The following NDST4 variants were observed in gnomAD, a reference collection of about 807,000 sequenced individuals.
NDST4 encodes N-heparan sulfate sulfotransferase 4.
NDST4 carries 63 observed loss-of-function variants against 100.8 expected under a neutral mutation model. The observed-to-expected ratio is 0.62, with a 90% CI of 0.51 to 0.77. The LOEUF is 0.77. Among genes scored for constraint, NDST4 ranks in the 30% least tolerant of loss-of-function variants. The pLI is 0.00. For missense variants in NDST4, 943 were observed against 1,018.4 expected (o/e 0.93, Z 1.01); for synonymous variants, 377 against 361.8 (o/e 1.04, Z -0.48).
intron 2 of NDST4, among the ~76,000 whole-genome samples, chr4:115,026,260 T>C (rs1368645563): frequency 6.6e-6 from 1 of 152,108 alleles, no homozygotes; most frequent in Admixed American, 6.6e-5. Flanking sequence ...TAAGAAGGAA[T>C]AATAATTATT....
At chr4:114,980,315 T>C (rs1473142665) in intron 2 of NDST4, among the ~76,000 whole-genome samples, 3 of 152,194 alleles carry the variant, frequency 2.0e-5, no homozygotes, top group African/African-American at 7.2e-5. Context: ...TCTACCTGAA[T>C]ATTTCGTGCG....
chr4:114,847,827 A>G (rs1298923634), intron 9 of NDST4, among the ~76,000 whole-genome samples: 1 of 152,226 alleles, frequency 6.6e-6, no homozygotes, highest in Non-Finnish European at 1.5e-5. Flanking sequence ...ACATGTCACG[A>G]ATTATAAAAT....
At chr4:114,900,544 G>A (rs1214397765) in intron 6 of NDST4, among the ~76,000 whole-genome samples, 1 of 152,056 alleles carries the variant, frequency 6.6e-6, no homozygotes, top group African/African-American at 2.4e-5. Context: ...GATATGCTTA[G>A]ATACACAAAT....
chr4:115,014,875 A>T (rs1727641658), intron 2 of NDST4, among the ~76,000 whole-genome samples: 2 of 152,098 alleles, frequency 1.3e-5, no homozygotes, highest in Admixed American at 1.3e-4. Context: ...CAACCTGAGC[A>T]TTGGCTTGTT....
intron 2 of NDST4, among the ~76,000 whole-genome samples, chr4:115,009,784 C>A (rs1727501669): frequency 1.2e-5 from 1 of 81,420 alleles, no homozygotes; most frequent in Non-Finnish European, 2.3e-5. Context: ...ACAACCTACT[C>A]ATCTGACAAA....
At chr4:115,092,119 GC>G (rs1363431071) in intron 1 of NDST4, among the ~76,000 whole-genome samples, 1 of 152,146 alleles carries the variant, frequency 6.6e-6, no homozygotes, top group African/African-American at 2.4e-5. Flanking sequence ...TAGCCATAGA[GC>G]AAATATTGCA....
intron 11 of NDST4, among the ~76,000 whole-genome samples, chr4:114,834,813 T>C (rs140017535): frequency 0.02 from 3,057 of 152,268 alleles, 50 homozygotes; most frequent in Middle Eastern, 0.037. Flanking sequence ...TTCAGGGATT[T>C]GACTTCTTCC....
chr4:114,858,486 G>T (rs999451122), intron 7 of NDST4, among the ~76,000 whole-genome samples: 7 of 152,174 alleles, frequency 4.6e-5, no homozygotes, highest in African/African-American at 7.2e-5. Flanking sequence ...GTTTCTACAA[G>T]TTGCTCGCCT....
intron 2 of NDST4, among the ~76,000 whole-genome samples, chr4:115,050,862 T>G (rs2126278730): frequency 6.6e-6 from 1 of 152,274 alleles, no homozygotes; most frequent in East Asian, 1.9e-4. Flanking sequence ...ATATGTGGCT[T>G]GATGAAATAC....
intron 6 of NDST4, among the ~76,000 whole-genome samples, chr4:114,871,808 T>A (rs75047285): frequency 0.057 from 8,612 of 152,114 alleles, 376 homozygotes; most frequent in Admixed American, 0.11. Flanking sequence ...AATTTAATTG[T>A]CTTAAAAATT....
At chr4:114,909,445 G>A (rs897455876) in intron 6 of NDST4, among the ~76,000 whole-genome samples, 29 of 151,360 alleles carry the variant, frequency 1.9e-4, no homozygotes, top group African/African-American at 6.8e-4. Context: ...TGGATCATGA[G>A]GTCAGGAGAT....
chr4:115,062,286 GAA>G (rs1238196738), intron 2 of NDST4, among the ~76,000 whole-genome samples: 2 of 151,978 alleles, frequency 1.3e-5, no homozygotes, highest in African/African-American at 4.8e-5. Flanking sequence ...GATTGTAAGA[GAA>G]AGAATATACC....
chr4:115,079,639 T>C (rs1729260886), intron 1 of NDST4, among the ~76,000 whole-genome samples: 1 of 152,148 alleles, frequency 6.6e-6, no homozygotes, highest in African/African-American at 2.4e-5. Context: ...ATCAGACATA[T>C]TACATCAGAG....
chr4:115,001,129 C>T (rs1014582691), intron 2 of NDST4, among the ~76,000 whole-genome samples: 4 of 152,208 alleles, frequency 2.6e-5, no homozygotes, highest in South Asian at 2.1e-4. Context: ...AACATTCAGA[C>T]CATAGCATTT....
Position 115,022,206 on chromosome 4 carries a change from C to T in NDST4, c.979-44932G>A, listed in dbSNP as rs1331533887. ...ACGTTCCATATATATACACGTTCCA[C>T]GTCTATGCACGTTCCATATATATAT... is the stretch of plus-strand genomic sequence containing the variant. On this transcript the variant is annotated intron_variant, in intron 2 of 13. Transcript: ENST00000264363. 5.4e-5 allele frequency among the ~76,000 whole-genome samples: 8 copies of T among 149,310 alleles called. 1 individual carries two copies. Among genetic ancestry groups the T allele is most frequent in the Non-Finnish European group, 1.0e-4 (7 of 67,390 alleles).
chr4:114,965,294 T>C (rs1322718918), intron 4 of NDST4, among the ~76,000 whole-genome samples: 1 of 152,110 alleles, frequency 6.6e-6, no homozygotes, highest in East Asian at 1.9e-4. Context: ...ATACTATTAA[T>C]TTGTTATCAT....
chr4:115,109,320 G>A (rs1047019905), intron 1 of NDST4, among the ~76,000 whole-genome samples: 2 of 151,762 alleles, frequency 1.3e-5, no homozygotes, highest in African/African-American at 2.4e-5. Flanking sequence ...TTTTTAAAAG[G>A]AGGCTAAATA....
chr4:114,849,375 C>T (rs1578342144), intron 8 of NDST4, among the ~76,000 whole-genome samples: 1 of 152,312 alleles, frequency 6.6e-6, no homozygotes, highest in African/African-American at 2.4e-5. Flanking sequence ...CTAGCCCTAG[C>T]AGAGCTGCAG....
chr4:115,110,406 T>A (rs2110347904), intron 1 of NDST4, among the ~76,000 whole-genome samples: 1 of 152,076 alleles, frequency 6.6e-6, no homozygotes, highest in African/African-American at 2.4e-5. Flanking sequence ...AAACTTCAAA[T>A]AAATCAACAG....
Sources: allele counts gnomAD v4.1 joint callset (sites outside exome capture counted in the v4.1 genomes callset), GRCh38; gene constraint gnomAD v4.1.1; transcripts MANE v1.5; gene names NCBI Gene and HGNC (gene_info 2026-07-23, HGNC 2026-07-21).